LANCL1: variants seen among roughly 807,000 people sequenced by gnomAD.
LANCL1 encodes the protein LanC like glutathione S-transferase 1.
A neutral mutation model predicts 50.6 loss-of-function variants in LANCL1; 50 were observed. The observed-to-expected ratio is 0.99, with a 90% CI of 0.79 to 1.25. The LOEUF (loss-of-function observed/expected upper bound fraction) is 1.25. LANCL1 is among the 50% of genes most tolerant of loss of function. LANCL1 has a pLI of 0.00. For synonymous variants in LANCL1, 188 were observed against 178.6 expected (o/e 1.05, Z -0.42); for missense variants, 532 against 480.7 (o/e 1.11, Z -1.00).
chr2:210,435,526 G>T, intron 8 of LANCL1, 67 bp from the exon 9 acceptor site: 1 of 1,196,700 alleles, frequency 8.4e-7, no homozygotes, highest in Non-Finnish European at 1.2e-6. Context: ...AAGTTAAGAG[G>T]TTGTCTATAC....
In LANCL1 at chr2:210,476,359, T is replaced by C; in HGVS notation, c.38A>G (p.Tyr13Cys). 6.2e-7 allele frequency: 1 copy of C among 1,614,126 alleles called. No homozygotes were observed. The highest frequency in any genetic ancestry group is 8.5e-7 in the Non-Finnish European group (1 of 1,180,012). Reference sequence around the variant, plus strand: ...GTAGCCTTCGGCCAGGGATTTGTTATAATCAGCATAAGGATTCGGGAAGGC... The same window carrying C: ...GTAGCCTTCGGCCAGGGATTTGTTACAATCAGCATAAGGATTCGGGAAGGC... ...QRAFPNPYAD[Y>C]NKSLAEGYFD... The change falls in exon 2 of 10, where the codon TAT (tyrosine) becomes TGT (cysteine). Residue 13 changes from tyrosine (Y) to cysteine (C), a missense_variant. Tyr to Cys is a radical substitution (Grantham distance 194). Transcript: ENST00000450366.
chr2:210,450,829 A>G (rs1693490091), intron 4 of LANCL1, among the ~76,000 whole-genome samples: 1 of 152,240 alleles, frequency 6.6e-6, no homozygotes, highest in African/African-American at 2.4e-5. Flanking sequence ...GTTAGGAAAC[A>G]ACAGATGCTG....
chr2:210,433,551 G>A lies in LANCL1; in HGVS notation c.*936C>T, dbSNP rs900113535. The A allele has an allele frequency of 1.3e-5, 2 of 152,176 alleles. No individual in the cohort carries two copies. The highest frequency in any genetic ancestry group is 4.8e-5 in the African/African-American group (2 of 41,450). The allele number at this position is 152,176 out of a possible 1,614,324, so 9.4% of individuals were successfully genotyped here. A position where few individuals can be genotyped will look rare whatever the true frequency, so the allele number is the denominator to read the frequency against. ...AAAATATTTTATGGCTTATACCAAA[G>A]AGTCAGCACTAATGCATAGTCACTG... On this transcript the variant is annotated 3_prime_UTR_variant, in exon 10 of 10. Transcript: ENST00000450366.
intron 3 of LANCL1, among the ~76,000 whole-genome samples, chr2:210,456,748 AGTT>A (rs1401001910): frequency 1.3e-5 from 2 of 152,090 alleles, no homozygotes; most frequent in African/African-American, 4.8e-5. Context: ...GAACTCTCCT[AGTT>A]AAGTTATGTA....
rs1482303497 is a variant in LANCL1 at position 210,476,363 on chromosome 2, C to A, written c.34G>T (p.Asp12Tyr). ...CCTTCGGCCAGGGATTTGTTATAATCAGCATAAGGATTCGGGAAGGCCCTT... is the reference window on the plus strand; with the variant it reads ...CCTTCGGCCAGGGATTTGTTATAATAAGCATAAGGATTCGGGAAGGCCCTT... ...AQRAFPNPYADYNKSLAEGYF... is the reference protein window; with the variant it reads ...AQRAFPNPYAYYNKSLAEGYF... Residue 12 changes from aspartate (D) to tyrosine (Y), a missense_variant, in exon 2 of 10, where the codon GAT becomes TAT. Physicochemically the swap from Asp to Tyr is radical, Grantham distance 160. Transcript: ENST00000450366. The A allele has an allele frequency of 1.2e-6, 2 of 1,614,094 alleles. No individual in the cohort carries two copies. Among genetic ancestry groups the A allele is most frequent in the South Asian group, 2.2e-5 (2 of 91,070 alleles).
At chr2:210,439,399 A>G (rs1199909743) in intron 6 of LANCL1, among the ~76,000 whole-genome samples, 4 of 152,146 alleles carry the variant, frequency 2.6e-5, no homozygotes, top group African/African-American at 9.7e-5. Flanking sequence ...GTTTCAATGA[A>G]ATTTCGATAA....
chr2:210,469,798 CCTGA>C (rs758418946), intron 3 of LANCL1, among the ~76,000 whole-genome samples: 5 of 152,130 alleles, frequency 3.3e-5, no homozygotes, highest in Admixed American at 6.5e-5. Flanking sequence ...AATATAAGGG[CCTGA>C]CTAATGACTC....
chr2:210,432,690 T>A lies in LANCL1; in HGVS notation c.*1797A>T, dbSNP rs188540725. The stretch of plus-strand genomic sequence containing the variant: ...TTTAACTAAACCAAATGAGCTTTAT[T>A]CTTTCAAGCTGAACACCCCAGGCAA... On this transcript the variant is annotated 3_prime_UTR_variant, in exon 10 of 10. Coordinates refer to ENST00000450366, the MANE Select transcript of LANCL1 (RefSeq NM_006055.3). 8 of 152,346 alleles carry A rather than the reference T, an allele frequency of 5.3e-5. No individual in the cohort carries two copies. The highest frequency in any genetic ancestry group is 1.9e-4 in the African/African-American group (8 of 41,574). The allele number at this position is 152,346 out of a possible 1,614,324, so 9.4% of individuals were successfully genotyped here.
intron 5 of LANCL1, 31 bp from the exon 6 acceptor site, chr2:210,440,775 G>T (rs1693104704): frequency 6.3e-7 from 1 of 1,597,474 alleles, no homozygotes; most frequent in South Asian, 1.1e-5. Context: ...AAAATAACAA[G>T]TTAACTGAAC....
intron 4 of LANCL1, 26 bp downstream of exon 4, chr2:210,455,081 T>A: frequency 1.3e-6 from 2 of 1,573,102 alleles, no homozygotes; most frequent in Non-Finnish European, 1.7e-6. Context: ...TGCTAGAAAA[T>A]AATCCTCATA....
rs867156807 is a variant in LANCL1 at position 210,476,593 on chromosome 2, A to G, written c.-17+27T>C. 1.8e-5 allele frequency: 24 copies of G among 1,363,566 alleles called. No homozygotes were observed. In the Middle Eastern group the frequency reaches 1.1e-3, roughly 63 times the overall value. The allele number at this position is 1,363,566 out of a possible 1,614,324, so 84.5% of individuals were successfully genotyped here. ...ACTGCTAGGACATGGCGCCTTCGCG[A>G]AAAAGCTGCCAGGGCCCTTAACCCA... On this transcript the variant is annotated intron_variant, in intron 1 of 9. Coordinates refer to ENST00000450366, the MANE Select transcript of LANCL1 (RefSeq NM_006055.3).
chr2:210,455,980 G>A (rs920395410), intron 3 of LANCL1, among the ~76,000 whole-genome samples: 1 of 151,982 alleles, frequency 6.6e-6, no homozygotes. Context: ...TAATGTAAAA[G>A]CCACCAATGA....
At chr2:210,462,780 A>C (rs1219359089) in intron 3 of LANCL1, among the ~76,000 whole-genome samples, 1 of 152,206 alleles carries the variant, frequency 6.6e-6, no homozygotes, top group Non-Finnish European at 1.5e-5. Flanking sequence ...AATAGTAATT[A>C]CTCTTGCCTA....
intron 4 of LANCL1, among the ~76,000 whole-genome samples, chr2:210,450,419 A>G (rs1693478330): frequency 6.6e-6 from 1 of 152,208 alleles, no homozygotes; most frequent in Admixed American, 6.5e-5. Flanking sequence ...AATACCATTC[A>G]GGACATAGGC....
chr2:210,471,898 G>A (rs1694235260), intron 3 of LANCL1, 61 bp downstream of exon 3: 5 of 1,179,376 alleles, frequency 4.2e-6, no homozygotes, highest in East Asian at 2.3e-5. Flanking sequence ...GACAGCTCTC[G>A]GAAAAATGCT....
chr2:210,446,642 CAGTTTTGAG>C (rs1693339194), intron 4 of LANCL1, among the ~76,000 whole-genome samples: 1 of 151,572 alleles, frequency 6.6e-6, no homozygotes, highest in African/African-American at 2.4e-5. Context: ...CTAGAATAAC[CAGTTTTGAG>C]AAGAACATAA....
rs867029134 is a variant in LANCL1, at chr2:210,436,248, G to C, written c.1018C>G (p.Gln340Glu). The change falls in exon 8 of 10, where the codon CAG becomes GAG. Residue 340 changes from glutamine to glutamate, a missense_variant. Gln to Glu is a conservative substitution (Grantham distance 29). Coordinates refer to ENST00000450366, the MANE Select transcript of LANCL1 (RefSeq NM_006055.3). ...GCCCTATACAGGTACTTCATGTCCTGTGTGAGGTTGTAGAGTGTCAGGAAG... is the reference window on the plus strand; with the variant it reads ...GCCCTATACAGGTACTTCATGTCCTCTGTGAGGTTGTAGAGTGTCAGGAAG... The part of the protein sequence containing the change: ...YAFLTLYNLT[Q>E]DMKYLYRACK... 1.2e-6 allele frequency: 2 copies of C among 1,613,910 alleles called. No individual in the cohort carries two copies. The highest frequency in any genetic ancestry group is 1.7e-6 in the Non-Finnish European group (2 of 1,179,940).
chr2:210,473,989 T>C (rs1174120683), intron 2 of LANCL1, among the ~76,000 whole-genome samples: 3 of 152,238 alleles, frequency 2.0e-5, no homozygotes, highest in Non-Finnish European at 2.9e-5. Flanking sequence ...ATATATAATT[T>C]ATCATCTTGC....
intron 4 of LANCL1, 68 bp from the exon 5 acceptor site, chr2:210,441,511 G>T: frequency 7.4e-7 from 1 of 1,358,656 alleles, no homozygotes. Flanking sequence ...CTTAAAAATG[G>T]TACATTGAAA....
Sources: allele counts gnomAD v4.1 joint callset (sites outside exome capture counted in the v4.1 genomes callset), GRCh38; gene constraint gnomAD v4.1.1; transcripts MANE v1.5; gene names NCBI Gene and HGNC (gene_info 2026-07-23, HGNC 2026-07-21).